Variants in PTPRS observed in about 807,000 individuals in gnomAD.
PTPRS encodes the protein protein tyrosine phosphatase receptor type S, also known as receptor-type tyrosine-protein phosphatase S.
Under a neutral mutation model 215.3 loss-of-function variants are expected in PTPRS, and 63 were observed. The ratio of observed to expected loss-of-function variants is 0.29; its 90% CI spans 0.24 to 0.36. The LOEUF (loss-of-function observed/expected upper bound fraction) is 0.36, where lower values mean the gene tolerates loss of function less well. Among genes scored for constraint, PTPRS ranks in the 10% least tolerant of loss-of-function variants. The probability of loss-of-function intolerance (pLI) is 1.00; values close to 1 mark genes in which losing one functional copy is unlikely to be tolerated. For synonymous variants in PTPRS, 1,404 were observed against 1,191.4 expected, an observed-to-expected ratio of 1.18 and a Z score of -3.68; for missense variants, 2,258 against 2,825.8, an observed-to-expected ratio of 0.80 and a Z score of 4.56.
chr19:5,221,548 T>G (rs1327816078), intron 19 of PTPRS, among the ~76,000 whole-genome samples: 1 of 152,086 alleles, frequency 6.6e-6, no homozygotes, highest in Non-Finnish European at 1.5e-5. Context: ...CAGTCCCGAC[T>G]GAGCCCCAAT....
At chr19:5,332,618 C>T (rs1226455397) in intron 1 of PTPRS, among the ~76,000 whole-genome samples, 1 of 152,200 alleles carries the variant, frequency 6.6e-6, no homozygotes, top group African/African-American at 2.4e-5. Context: ...GCCATGGCTT[C>T]CTGCCTCGGT....
In PTPRS at chr19:5,237,796, C is replaced by A. The variant is rs1277078797; in HGVS notation, c.1849+1123G>T. On this transcript the variant is annotated intron_variant, in intron 13 of 37. Coordinates refer to ENST00000262963, the MANE Select transcript of PTPRS (RefSeq NM_002850.4). This position sits in a 1 kb window ranked among gnomAD's most constrained non-coding sequence, Gnocchi z 4.2. ...ACGCGCCCAGACGCCTTGGAGCCGCCAGGTGCTCAGCTCGGCTTGGTTTGT... is the reference window on the plus strand; with the variant it reads ...ACGCGCCCAGACGCCTTGGAGCCGCAAGGTGCTCAGCTCGGCTTGGTTTGT... 6.6e-6 allele frequency among the ~76,000 whole-genome samples: 1 copy of A among 152,092 alleles called. No homozygotes were observed. The highest frequency in any genetic ancestry group is 1.5e-5 in the Non-Finnish European group (1 of 68,018).
chr19:5,314,575 A>T (rs1393293869), intron 1 of PTPRS, among the ~76,000 whole-genome samples: 2 of 150,988 alleles, frequency 1.3e-5, no homozygotes, highest in African/African-American at 2.4e-5. Flanking sequence ...TTTTTTTTTG[A>T]AACAGCATTT....
At chr19:5,333,671 A>C (rs1290284778) in intron 1 of PTPRS, among the ~76,000 whole-genome samples, 1 of 150,942 alleles carries the variant, frequency 6.6e-6, no homozygotes, top group Non-Finnish European at 1.5e-5. Flanking sequence ...GGTGCCCCCC[A>C]CACCAGTTCA....
chr19:5,334,212 T>G (rs564633246), intron 1 of PTPRS, among the ~76,000 whole-genome samples: 3 of 152,320 alleles, frequency 2.0e-5, no homozygotes, highest in African/African-American at 7.2e-5. Flanking sequence ...CATCCTGACA[T>G]CTCCCTGGTG....
At chr19:5,313,966 AT>A in intron 1 of PTPRS, among the ~76,000 whole-genome samples, 1 of 148,076 alleles carries the variant, frequency 6.8e-6, no homozygotes, top group Non-Finnish European at 1.5e-5. Flanking sequence ...AATAATAATA[AT>A]AATAAATAAA....
chr19:5,301,491 T>A (rs891753491), intron 1 of PTPRS, among the ~76,000 whole-genome samples: 14 of 152,162 alleles, frequency 9.2e-5, no homozygotes, highest in African/African-American at 3.4e-4. Context: ...ATTTTTTGTA[T>A]TTTTAGTAGA....
At position 5,286,227 on chromosome 19, in the gene PTPRS, G is replaced by C. The variant is rs2048339226; in HGVS notation, c.-87C>G. 1 of 1,428,784 alleles carries C rather than the reference G, an allele frequency of 7.0e-7. No homozygotes were observed. The highest frequency in any genetic ancestry group is 1.4e-5 in the African/African-American group (1 of 70,796). 88.5% of individuals were successfully genotyped at this position (1,428,784 alleles called of 1,614,324 possible). The stretch of plus-strand genomic sequence containing the variant: ...AGGCCTCGAGCCGAGCGTCAGATGG[G>C]GCAACGTCTGCAGAGACAATGGAGG... On this transcript the variant is annotated 5_prime_UTR_variant, in exon 2 of 38. Coordinates refer to ENST00000262963, the MANE Select transcript of PTPRS (RefSeq NM_002850.4).
chr19:5,224,799 G>A (rs1329167004), intron 17 of PTPRS, among the ~76,000 whole-genome samples: 2 of 152,176 alleles, frequency 1.3e-5, no homozygotes, highest in Non-Finnish European at 2.9e-5. Context: ...GGATGCTGGA[G>A]GACGCAGACA....
chr19:5,231,169 G>A (rs910076245), intron 14 of PTPRS, 141 bp downstream of exon 14: 26 of 900,588 alleles, frequency 2.9e-5, no homozygotes, highest in African/African-American at 8.4e-5. Context: ...CGGATTTCTC[G>A]GGGAGGCTGC....
At chr19:5,233,946 CAAAAAAAAAAAAAA>C (rs57529862) in intron 13 of PTPRS, among the ~76,000 whole-genome samples, 9 of 27,760 alleles carry the variant, frequency 3.2e-4, no homozygotes, top group South Asian at 8.7e-3. Flanking sequence ...ACTCCATCTC[CAAAAAAAAAAAAAA>C]AAAAAAAAAA....
Position 5,257,371 on chromosome 19 carries a change from C to A in PTPRS, c.706+646G>T. 2.2e-6 allele frequency: 1 copy of A among 451,790 alleles called. No homozygotes were observed. The highest frequency in any genetic ancestry group is 7.0e-5 in the East Asian group (1 of 14,214). 28.0% of individuals were successfully genotyped at this position (451,790 alleles called of 1,614,324 possible). Reference sequence around the variant, plus strand: ...GCCCCAGCTCGGTGCAACTACCGAGCCCCCCGGGTGCCTGTGCCCGCTGTG... The same window carrying A: ...GCCCCAGCTCGGTGCAACTACCGAGACCCCCGGGTGCCTGTGCCCGCTGTG... On this transcript the variant is annotated intron_variant, in intron 8 of 37. Coordinates refer to ENST00000262963, the MANE Select transcript of PTPRS (RefSeq NM_002850.4). The surrounding 1 kb of genome is among the most constrained non-coding windows in gnomAD (Gnocchi z 4.4).
chr19:5,273,349 AG>A, intron 4 of PTPRS, 92 bp downstream of exon 4: 1 of 1,574,954 alleles, frequency 6.3e-7, no homozygotes, highest in Non-Finnish European at 8.7e-7. Flanking sequence ...ACAAAGCAGG[AG>A]GGTTTGGGGT....
At chr19:5,211,852 G>A in intron 32 of PTPRS, 84 bp from the exon 33 acceptor site, 3 of 1,578,636 alleles carry the variant, frequency 1.9e-6, no homozygotes, top group Non-Finnish European at 2.6e-6. Context: ...GGATAGGTAG[G>A]TAGGGGCACC....
chr19:5,233,630 AG>A (rs1428732528), intron 13 of PTPRS, among the ~76,000 whole-genome samples: 1 of 151,776 alleles, frequency 6.6e-6, no homozygotes, highest in Non-Finnish European at 1.5e-5. Context: ...CATTGTGCCA[AG>A]GGCTTCATAG....
At chr19:5,231,212 G>A (rs2042982915) in intron 14 of PTPRS, 98 bp downstream of exon 14, 9 of 1,295,962 alleles carry the variant, frequency 6.9e-6, no homozygotes, top group East Asian at 2.5e-5. Context: ...TGAGGCTTCC[G>A]CCCTTTGACC....
At chr19:5,218,046 C>A (rs944865017) in intron 25 of PTPRS, among the ~76,000 whole-genome samples, 2 of 152,134 alleles carry the variant, frequency 1.3e-5, no homozygotes, top group Non-Finnish European at 2.9e-5. Context: ...CAAACCTCAA[C>A]TCCCACCACC....
In PTPRS at chr19:5,293,239, A is replaced by G. The variant is rs1412183446; in HGVS notation, c.-94-7005T>C. The stretch of plus-strand genomic sequence containing the variant: ...TCGGTCCGCCCGGAGCGCGGCGCGC[A>G]GCGAAGACTCGGGAGAGGCCTCGGC... On this transcript the variant is annotated intron_variant, in intron 1 of 37. Coordinates refer to ENST00000262963, the MANE Select transcript of PTPRS (RefSeq NM_002850.4). The surrounding 1 kb of genome is among the most constrained non-coding windows in gnomAD (Gnocchi z 8.4). The G allele has an allele frequency of 1.3e-5, 2 of 148,418 alleles. No individual in the cohort carries two copies. Among genetic ancestry groups the G allele is most frequent in the Non-Finnish European group, 3.0e-5 (2 of 67,060 alleles). 9.2% of individuals were successfully genotyped at this position (148,418 alleles called of 1,614,324 possible).
chr19:5,264,298 C>T (rs1382806118), intron 5 of PTPRS, among the ~76,000 whole-genome samples: 1 of 152,200 alleles, frequency 6.6e-6, no homozygotes, highest in East Asian at 1.9e-4. Context: ...CTGGGCCCCA[C>T]TGTATTCTCA....
Sources: allele counts gnomAD v4.1 joint callset (sites outside exome capture counted in the v4.1 genomes callset), GRCh38; gene constraint gnomAD v4.1.1; non-coding constraint Gnocchi (gnomAD v3.1); transcripts MANE v1.5; gene names NCBI Gene and HGNC (gene_info 2026-07-23, HGNC 2026-07-21).